ADK: variants seen among roughly 807,000 people sequenced by gnomAD.
The protein encoded by ADK is adenosine kinase, also known as N6,N6-dimethyladenosine kinase.
Under a neutral mutation model 44.7 loss-of-function variants are expected in ADK, and 24 were observed. The observed-to-expected ratio is 0.54, with a 90% CI of 0.39 to 0.76. ADK has a LOEUF of 0.76. Ranked by LOEUF, ADK falls within the 30% of genes least tolerant of loss-of-function variation. The pLI, the probability that ADK is intolerant of heterozygous loss-of-function variation, is 0.00. For synonymous variants in ADK, 128 were observed against 142.6 expected (o/e 0.90, Z 0.73); for missense variants, 321 against 425.1 (o/e 0.76, Z 2.15).
intron 9 of ADK, among the ~76,000 whole-genome samples, chr10:74,601,978 G>A (rs1852146116): frequency 6.6e-6 from 1 of 150,496 alleles, no homozygotes; most frequent in Non-Finnish European, 1.5e-5. Context: ...AGTGGCACAT[G>A]CCCATAGTCC....
At chr10:74,556,887 T>G (rs1314839237) in intron 7 of ADK, among the ~76,000 whole-genome samples, 1 of 152,176 alleles carries the variant, frequency 6.6e-6, no homozygotes, top group Non-Finnish European at 1.5e-5. Context: ...CTATCACATT[T>G]AGAGTGTGTT....
At chr10:74,444,947 TG>T (rs892641572) in intron 6 of ADK, among the ~76,000 whole-genome samples, 1 of 151,900 alleles carries the variant, frequency 6.6e-6, no homozygotes, top group African/African-American at 2.4e-5. Context: ...AGATTAAAGG[TG>T]TAGGTTAGAA....
chr10:74,451,867 TA>T (rs1483375057), intron 6 of ADK, among the ~76,000 whole-genome samples: 3 of 152,190 alleles, frequency 2.0e-5, no homozygotes, highest in Non-Finnish European at 4.4e-5. Flanking sequence ...GAACTCAATG[TA>T]AAAATAATGA....
intron 6 of ADK, among the ~76,000 whole-genome samples, chr10:74,413,792 C>T (rs1844270577): frequency 6.6e-6 from 1 of 152,182 alleles, no homozygotes; most frequent in South Asian, 2.1e-4. Flanking sequence ...GATATGCCTT[C>T]CTCACTAAAC....
chr10:74,505,119 G>A (rs1324158217), intron 6 of ADK, among the ~76,000 whole-genome samples: 4 of 152,202 alleles, frequency 2.6e-5, no homozygotes, highest in East Asian at 1.9e-4. Context: ...GGAAAGGATG[G>A]CAGAAGAGGT....
At chr10:74,557,974 T>C (rs1850322749) in intron 7 of ADK, among the ~76,000 whole-genome samples, 1 of 152,144 alleles carries the variant, frequency 6.6e-6, no homozygotes, top group South Asian at 2.1e-4. Context: ...TAAGGAAACC[T>C]GTTAATCATT....
intron 1 of ADK, among the ~76,000 whole-genome samples, chr10:74,172,141 T>TC (rs201932066): frequency 0.07 from 10,505 of 149,334 alleles, 1,297 homozygotes; most frequent in African/African-American, 0.24. Flanking sequence ...GATTTTCTTT[T>TC]TTTTTTTTTT....
intron 9 of ADK, among the ~76,000 whole-genome samples, chr10:74,649,479 G>A (rs771975957): frequency 6.6e-6 from 1 of 151,966 alleles, no homozygotes; most frequent in Non-Finnish European, 1.5e-5. Flanking sequence ...AAAACAATTA[G>A]CCAGGTATGA....
intron 4 of ADK, among the ~76,000 whole-genome samples, chr10:74,359,393 T>C (rs1293159814): frequency 1.3e-5 from 2 of 152,190 alleles, no homozygotes; most frequent in African/African-American, 2.4e-5. Flanking sequence ...ATTTAATCTG[T>C]AGCTCACTTT....
At chr10:74,385,753 C>T (rs1015653214) in intron 4 of ADK, among the ~76,000 whole-genome samples, 2 of 152,150 alleles carry the variant, frequency 1.3e-5, no homozygotes, top group South Asian at 2.1e-4. Context: ...GAAACATAGT[C>T]TCTGAAATAG....
At chr10:74,240,362 T>C (rs1314982414) in intron 3 of ADK, among the ~76,000 whole-genome samples, 1 of 133,594 alleles carries the variant, frequency 7.5e-6, no homozygotes, top group Non-Finnish European at 1.6e-5. Flanking sequence ...GTCAGTGTTT[T>C]CCTTTTATTT....
intron 10 of ADK, among the ~76,000 whole-genome samples, chr10:74,698,547 T>A (rs1856288236): frequency 6.6e-6 from 1 of 152,216 alleles, no homozygotes; most frequent in Admixed American, 6.5e-5. Flanking sequence ...AAGAGCAGAC[T>A]TTTTTGTTTT....
intron 3 of ADK, among the ~76,000 whole-genome samples, chr10:74,231,552 T>G (rs1844764597): frequency 6.8e-6 from 1 of 147,380 alleles, no homozygotes; most frequent in East Asian, 2.0e-4. Context: ...ACTGCAGCCT[T>G]GACCTTGTGG....
intron 6 of ADK, among the ~76,000 whole-genome samples, chr10:74,522,970 C>G (rs2133606115): frequency 6.6e-6 from 1 of 152,260 alleles, no homozygotes. Context: ...CCCTGCCCAC[C>G]CTTCCCCGCA....
intron 3 of ADK, among the ~76,000 whole-genome samples, chr10:74,266,748 A>G (rs182772328): frequency 6.6e-6 from 1 of 152,286 alleles, no homozygotes. Context: ...TAAAAGTAAT[A>G]GTTCATTTCT....
intron 1 of ADK, chr10:74,176,777 T>G: frequency 6.3e-7 from 1 of 1,581,006 alleles, no homozygotes; most frequent in Non-Finnish European, 8.5e-7. Context: ...GCTGAGTGCC[T>G]GAGCCGGGAA....
At chr10:74,623,809 C>A (rs1853086224) in intron 9 of ADK, among the ~76,000 whole-genome samples, 1 of 151,652 alleles carries the variant, frequency 6.6e-6, no homozygotes, top group Non-Finnish European at 1.5e-5. Flanking sequence ...TTTCTATAAT[C>A]AAAAGCTCTT....
chr10:74,224,640 C>G (rs1040783088), intron 3 of ADK, 49 bp downstream of exon 3: 2 of 1,424,824 alleles, frequency 1.4e-6, no homozygotes, highest in Non-Finnish European at 2.0e-6. Flanking sequence ...TGTCTATGAA[C>G]TTGATATATG....
At chr10:74,605,450 T>C (rs1245148225) in intron 9 of ADK, among the ~76,000 whole-genome samples, 1 of 152,232 alleles carries the variant, frequency 6.6e-6, no homozygotes, top group Non-Finnish European at 1.5e-5. Context: ...GTTTTTAGCA[T>C]GACGGAGTGT....
Sources: allele counts gnomAD v4.1 joint callset (sites outside exome capture counted in the v4.1 genomes callset), GRCh38; gene constraint gnomAD v4.1.1; transcripts MANE v1.5; gene names NCBI Gene and HGNC (gene_info 2026-07-23, HGNC 2026-07-21).